The following NLRP5 variants were observed in gnomAD, a reference collection of about 807,000 sequenced individuals.
NLRP5 encodes the protein NACHT, LRR and PYD domains-containing protein 5.
A neutral mutation model predicts 113.1 loss-of-function variants in NLRP5; 93 were observed. The ratio of observed to expected loss-of-function variants is 0.82; its 90% CI spans 0.70 to 0.98. NLRP5 has a LOEUF of 0.98. NLRP5 is among the 50% of genes least tolerant of loss of function. NLRP5 has a pLI of 0.00. For synonymous variants in NLRP5, 751 were observed against 600.7 expected (o/e 1.25, Z -3.66); for missense variants, 1,808 against 1,514.3 (o/e 1.19, Z -3.22).
intron 6 of NLRP5, among the ~76,000 whole-genome samples, chr19:56,021,478 C>T (rs1050748571): frequency 6.6e-5 from 10 of 152,128 alleles, no homozygotes; most frequent in African/African-American, 2.4e-4. Context: ...TTTGCAGTCA[C>T]CAGTTTCCTC....
At position 56,038,188 on chromosome 19, in the gene NLRP5, A is replaced by T. The variant is rs1983390170; in HGVS notation, c.2779A>T (p.Lys927Ter). ...GAGAGTCTCCCAGTGCGCCCTGCAG[A>T]AGCTGATGTGAGTGCCACTTCCTTT... Residue 927 changes from lysine to a stop codon, truncating the protein, a stop_gained, in exon 10 of 15, where the codon AAG (lysine) becomes TAG (stop). Coordinates refer to ENST00000390649, the MANE Select transcript of NLRP5 (RefSeq NM_153447.4). LOFTEE classifies it high-confidence loss of function. 2 of 1,613,608 alleles carry T rather than the reference A, an allele frequency of 1.2e-6. No individual in the cohort carries two copies. Among genetic ancestry groups the T allele is most frequent in the African/African-American group, 2.7e-5 (2 of 75,014 alleles).
chr19:56,059,793 T>TG (rs200801480), intron 14 of NLRP5, among the ~76,000 whole-genome samples: 3,662 of 152,260 alleles, frequency 0.024, 162 homozygotes, highest in African/African-American at 0.084. Flanking sequence ...CCCAAAGTGC[T>TG]GGATGACAGG....
At position 56,010,812 on chromosome 19, in the gene NLRP5, A is replaced by G. The variant is rs550670144; in HGVS notation, c.508+1959A>G. 7.0e-4 allele frequency among the ~76,000 whole-genome samples: 103 copies of G among 147,990 alleles called. 1 individual carries two copies. Among genetic ancestry groups the G allele is most frequent in the Middle Eastern group, 3.5e-3 (1 of 282 alleles). Reference sequence around the variant, plus strand: ...CAGTTTTTTTTTTATCAAGCTATAGAATCAAATGTGGTCCATGTATACAAT... The same window carrying G: ...CAGTTTTTTTTTTATCAAGCTATAGGATCAAATGTGGTCCATGTATACAAT... On this transcript the variant is annotated intron_variant, in intron 3 of 14. Coordinates refer to ENST00000390649, the MANE Select transcript of NLRP5 (RefSeq NM_153447.4).
chr19:56,043,502 T>G (rs1413454561), intron 11 of NLRP5, among the ~76,000 whole-genome samples: 1 of 150,426 alleles, frequency 6.6e-6, no homozygotes, highest in Non-Finnish European at 1.5e-5. Context: ...ATTGTGAAGA[T>G]TTTCTCCTAC....
chr19:56,029,139 G>A lies in NLRP5; in HGVS notation c.2276+630G>A, dbSNP rs773823920. Among the ~76,000 whole-genome samples, 50 of 152,180 alleles carry A rather than the reference G, an allele frequency of 3.3e-4. 1 individual carries two copies. The highest frequency in any genetic ancestry group is 3.2e-3 in the Middle Eastern group (1 of 316). The stretch of plus-strand genomic sequence containing the variant: ...GCCGTGCTGTCCAGTAGAGGGTTCT[G>A]TGATGGAAATATTCCATGTGCCTTG... On this transcript the variant is annotated intron_variant, in intron 7 of 14. Transcript: ENST00000390649.
the NLRP5 span, chr19:55,987,993 T>A: frequency 9.5e-7 from 1 of 1,056,428 alleles, no homozygotes; most frequent in Non-Finnish European, 1.5e-6. Flanking sequence ...GTTATCATCC[T>A]GTATGCATTA....
At chr19:56,019,125 C>G (rs1269790162) in intron 4 of NLRP5, among the ~76,000 whole-genome samples, 4 of 152,124 alleles carry the variant, frequency 2.6e-5, no homozygotes, top group Admixed American at 2.6e-4. Context: ...TTGTGCAAGG[C>G]TCTTCAAGGA....
rs992740042 is a variant in NLRP5 at position 56,060,344 on chromosome 19, C to G, written c.3471-1052C>G. ...AGCTTGGTAAGGGTGGGAAATTTGC[C>G]TTGTCCATCCCTATATGAGAAGTCC... On this transcript the variant is annotated intron_variant, in intron 14 of 14. Transcript: ENST00000390649. Among the ~76,000 whole-genome samples, 47 of 152,102 alleles carry G rather than the reference C, an allele frequency of 3.1e-4. 1 individual carries two copies. Among genetic ancestry groups the G allele is most frequent in the African/African-American group, 1.4e-4 (6 of 41,410 alleles).
At chr19:56,013,039 A>C (rs1599882488) in intron 3 of NLRP5, among the ~76,000 whole-genome samples, 1 of 151,946 alleles carries the variant, frequency 6.6e-6, no homozygotes, top group African/African-American at 2.4e-5. Context: ...AAAACCACAT[A>C]CCTATTAGCC....
the NLRP5 span, among the ~76,000 whole-genome samples, chr19:55,990,237 C>T: frequency 5.3e-5 from 8 of 151,728 alleles, no homozygotes; most frequent in Middle Eastern, 3.4e-3. Flanking sequence ...TACAGGCACA[C>T]GCCACGATGC....
rs376549636 is a variant in NLRP5 at position 56,050,444 on chromosome 19, C to T, written c.2984C>T (p.Ala995Val). 1.2e-6 allele frequency: 2 copies of T among 1,613,726 alleles called. No homozygotes were observed. The highest frequency in any genetic ancestry group is 2.7e-5 in the African/African-American group (2 of 74,908). ...CTGAATCAGTGCCACCTGGACACGG[C>T]TGGCTGTGGTTTTCTTGCACTTGCG... is the stretch of plus-strand genomic sequence containing the variant. The change falls in exon 12 of 15, where the codon GCT becomes GTT. Residue 995 changes from alanine (A) to valine (V), a missense_variant. By Grantham distance (64) the Ala-to-Val change is moderately conservative. Transcript: ENST00000390649.
intron 3 of NLRP5, among the ~76,000 whole-genome samples, chr19:56,015,319 C>T (rs1263914967): frequency 1.3e-5 from 2 of 152,044 alleles, no homozygotes; most frequent in African/African-American, 4.8e-5. Context: ...CCTCAGCCTT[C>T]CAGTAGATGG....
At chr19:56,029,425 C>T (rs1170700017) in intron 7 of NLRP5, among the ~76,000 whole-genome samples, 3 of 152,050 alleles carry the variant, frequency 2.0e-5, no homozygotes, top group East Asian at 3.9e-4. Context: ...GCCACCATAC[C>T]TGGCTAATTT....
rs538214982 is a variant in NLRP5 at position 56,001,283 on chromosome 19, C to T, written c.62+1496C>T. Among the ~76,000 whole-genome samples the T allele has an allele frequency of 1.1e-3, 166 of 146,206 alleles. 1 individual carries two copies. The highest frequency in any genetic ancestry group is 3.9e-3 in the African/African-American group (154 of 39,646). ...GAGGCTGCAGTGAGCTGTGACTGCA[C>T]CACTGCACTCCAGCCTGGGCAACAG... On this transcript the variant is annotated intron_variant, in intron 1 of 14. Coordinates refer to ENST00000390649, the MANE Select transcript of NLRP5 (RefSeq NM_153447.4).
intron 1 of NLRP5, chr19:55,999,868 C>G: frequency 1.0e-6 from 1 of 975,530 alleles, no homozygotes; most frequent in Non-Finnish European, 1.7e-6. Flanking sequence ...ATCCCCTGCC[C>G]TCGCTGCTGT....
At chr19:56,030,758 A>G (rs1422040018) in intron 7 of NLRP5, among the ~76,000 whole-genome samples, 1 of 104,932 alleles carries the variant, frequency 9.5e-6, no homozygotes, top group Non-Finnish European at 1.7e-5. Context: ...TCGGTCACCC[A>G]GGCTGGAGTG....
rs1984257065 is a variant in NLRP5 at position 56,058,954 on chromosome 19, C to T, written c.3470+544C>T. Reference sequence around the variant, plus strand: ...GACATGCCGAGTGGAATAAGCCAGTCCTAAAAAGACAAATACTGTAGGATT... The same window carrying T: ...GACATGCCGAGTGGAATAAGCCAGTTCTAAAAAGACAAATACTGTAGGATT... On this transcript the variant is annotated intron_variant, in intron 14 of 14. Transcript: ENST00000390649. Among the ~76,000 whole-genome samples the T allele has an allele frequency of 1.3e-5, 2 of 152,048 alleles. 1 individual carries two copies. The highest frequency in any genetic ancestry group is 4.8e-5 in the African/African-American group (2 of 41,416).
chr19:56,033,464 G>C, intron 8 of NLRP5, 78 bp from the exon 9 acceptor site: 1 of 1,134,520 alleles, frequency 8.8e-7, no homozygotes, highest in Non-Finnish European at 1.3e-6. Flanking sequence ...AGTTAGAATG[G>C]GAGAAGGATG....
Position 56,049,893 on chromosome 19 carries a change from A to AT in NLRP5, c.2958-521dup, listed in dbSNP as rs576291023. Among the ~76,000 whole-genome samples, 303 of 152,060 alleles carry AT rather than the reference A, an allele frequency of 2.0e-3. 1 individual carries two copies. Among genetic ancestry groups the AT allele is most frequent in the African/African-American group, 6.9e-3 (287 of 41,470 alleles). ...AATCCATTGCTGGTGAACTAGTGTG[A>AT]TTTTGGGGGGATGTTAAAGAGCCTT... is the stretch of plus-strand genomic sequence containing the variant. On this transcript the variant is annotated intron_variant, in intron 11 of 14. Coordinates refer to ENST00000390649, the MANE Select transcript of NLRP5 (RefSeq NM_153447.4).
Sources: allele counts gnomAD v4.1 joint callset (sites outside exome capture counted in the v4.1 genomes callset), GRCh38; gene constraint gnomAD v4.1.1; transcripts MANE v1.5; gene names NCBI Gene and HGNC (gene_info 2026-07-23, HGNC 2026-07-21).